DISC1: variants seen among roughly 807,000 people sequenced by gnomAD.
DISC1 encodes the protein disrupted in schizophrenia 1 protein.
A neutral mutation model predicts 84.5 loss-of-function variants in DISC1; 57 were observed. The observed-to-expected ratio is 0.67, with a 90% confidence interval of 0.55 to 0.84. The LOEUF is 0.84. DISC1 is among the 40% of genes least tolerant of loss of function. DISC1 has a pLI of 0.00. For synonymous variants in DISC1, 411 were observed against 415.2 expected, an observed-to-expected ratio of 0.99 and a Z score of 0.12; for missense variants, 1,000 against 1,057.8, an observed-to-expected ratio of 0.95 and a Z score of 0.76.
chr1:231,887,637 T>A (rs1177310066), intron 9 of DISC1, among the ~76,000 whole-genome samples: 1 of 152,278 alleles, frequency 6.6e-6, no homozygotes, highest in Admixed American at 6.5e-5. Context: ...AGTCCAGTTT[T>A]CTGTATTCTA....
chr1:231,947,990 A>G (rs923797053), intron 9 of DISC1, among the ~76,000 whole-genome samples: 2 of 152,206 alleles, frequency 1.3e-5, no homozygotes, highest in Admixed American at 1.3e-4. Flanking sequence ...GGAAATAGGG[A>G]TGCTTTTACA....
intron 4 of DISC1, among the ~76,000 whole-genome samples, chr1:231,756,933 C>A (rs2075201964): frequency 6.6e-6 from 1 of 152,188 alleles, no homozygotes; most frequent in African/African-American, 2.4e-5. Flanking sequence ...ACCTGCCTTT[C>A]AGTGTGCCAG....
rs1207363430 is a variant in DISC1, at chr1:231,765,227, T to C, written c.1269-1913T>C. ...AAAAAAAAAAAAAAAAAACTTTGGA[T>C]AATAATCATTTTCCTTAACACTTCA... On this transcript the variant is annotated intron_variant, in intron 4 of 12. Coordinates refer to ENST00000439617, the MANE Select transcript of DISC1 (RefSeq NM_018662.3). 2.1e-5 allele frequency among the ~76,000 whole-genome samples: 3 copies of C among 141,686 alleles called. No homozygotes were observed. In the Admixed American group the frequency reaches 2.1e-4, roughly 10 times the overall value. 93.0% of individuals were successfully genotyped at this position (141,686 alleles called of 152,430 possible).
At chr1:231,866,528 A>C (rs200540561) in intron 9 of DISC1, 7 of 824,194 alleles carry the variant, frequency 8.5e-6, no homozygotes, top group African/African-American at 1.7e-5. Flanking sequence ...CTTAGGATAT[A>C]AGTACTGTGA....
intron 6 of DISC1, among the ~76,000 whole-genome samples, chr1:231,775,778 C>T (rs1338926322): frequency 2.0e-5 from 3 of 152,128 alleles, no homozygotes; most frequent in South Asian, 2.1e-4. Context: ...CTTGTTTTCT[C>T]CTGCAAGTCT....
At chr1:231,636,260 C>T (rs2059192173) in intron 1 of DISC1, among the ~76,000 whole-genome samples, 1 of 152,200 alleles carries the variant, frequency 6.6e-6, no homozygotes, top group Admixed American at 6.5e-5. Context: ...CTTTCACCCA[C>T]ATTTTCTCCT....
chr1:231,763,339 G>A (rs550083840), intron 4 of DISC1, among the ~76,000 whole-genome samples: 29 of 152,252 alleles, frequency 1.9e-4, no homozygotes, highest in Non-Finnish European at 3.1e-4. Context: ...AAAAGATAAC[G>A]TCTGGTGAAC....
chr1:231,918,665 T>C (rs1392604608), intron 9 of DISC1, among the ~76,000 whole-genome samples: 1 of 152,218 alleles, frequency 6.6e-6, no homozygotes, highest in Non-Finnish European at 1.5e-5. Flanking sequence ...TACTCTCAGT[T>C]AGGAGAAAAA....
chr1:231,913,859 G>A (rs545461442), intron 9 of DISC1, among the ~76,000 whole-genome samples: 20 of 152,266 alleles, frequency 1.3e-4, no homozygotes, highest in African/African-American at 4.1e-4. Context: ...TCCACATGCC[G>A]AGTGTCCATC....
At chr1:231,916,801 G>T (rs927514443) in intron 9 of DISC1, among the ~76,000 whole-genome samples, 1 of 152,092 alleles carries the variant, frequency 6.6e-6, no homozygotes, top group African/African-American at 2.4e-5. Context: ...GCTAAACTTT[G>T]TTGGACAAGT....
chr1:232,033,966 C>T (rs1422071398), intron 12 of DISC1, among the ~76,000 whole-genome samples: 1 of 152,094 alleles, frequency 6.6e-6, no homozygotes, highest in Non-Finnish European at 1.5e-5. Context: ...AGGATCATTC[C>T]ATATAAATTA....
At chr1:231,984,930 T>C (rs1456390421) in intron 10 of DISC1, among the ~76,000 whole-genome samples, 2 of 152,150 alleles carry the variant, frequency 1.3e-5, no homozygotes, top group Non-Finnish European at 2.9e-5. Flanking sequence ...ATTTTGGGGT[T>C]AGAGTACCTA....
chr1:231,841,815 A>G (rs898199589), intron 9 of DISC1, among the ~76,000 whole-genome samples: 1 of 152,212 alleles, frequency 6.6e-6, no homozygotes, highest in African/African-American at 2.4e-5. Context: ...CTGTTAATCA[A>G]CTACATAGTC....
At chr1:231,687,644 G>C (rs10429976) in intron 1 of DISC1, among the ~76,000 whole-genome samples, 14,147 of 152,214 alleles carry the variant, frequency 0.093, 1,812 homozygotes, top group African/African-American at 0.29. Flanking sequence ...GTTCCTTCAT[G>C]CACATGGATG....
chr1:231,875,602 AT>A (rs1220511112), intron 9 of DISC1, among the ~76,000 whole-genome samples: 14 of 152,038 alleles, frequency 9.2e-5, no homozygotes, highest in African/African-American at 3.1e-4. Context: ...TGATCTATAA[AT>A]TTCCCTCTAA....
At chr1:232,014,689 T>C (rs1668321178) in intron 11 of DISC1, among the ~76,000 whole-genome samples, 1 of 152,240 alleles carries the variant, frequency 6.6e-6, no homozygotes. Flanking sequence ...AGCCTGCTGA[T>C]TGGCTTTTCA....
chr1:231,877,927 GGTAA>G (rs1348099237), intron 9 of DISC1, among the ~76,000 whole-genome samples: 3 of 152,124 alleles, frequency 2.0e-5, no homozygotes, highest in Non-Finnish European at 2.9e-5. Context: ...GAAATTGAGT[GGTAA>G]GTATCTCAAT....
At position 231,720,755 on chromosome 1, in the gene DISC1, G is replaced by A. The variant is rs542614534; in HGVS notation, c.1117+18731G>A. 7.1e-6 allele frequency: 7 copies of A among 988,164 alleles called. No individual in the cohort carries two copies. In the African/African-American group the frequency reaches 1.2e-4, roughly 17 times the overall value. The allele number at this position is 988,164 out of a possible 1,614,324, so 61.2% of individuals were successfully genotyped here. ...GCTTTCTGCATGAGGGCTAAAATGTGAAGTTCTTAAGTTTGTTCCTTCTCC... is the reference window on the plus strand; with the variant it reads ...GCTTTCTGCATGAGGGCTAAAATGTAAAGTTCTTAAGTTTGTTCCTTCTCC... On this transcript the variant is annotated intron_variant, in intron 3 of 12. Coordinates refer to ENST00000439617, the MANE Select transcript of DISC1 (RefSeq NM_018662.3).
In DISC1 at chr1:231,681,701, AT is replaced by A. The variant is rs915490019; in HGVS notation, c.68-12113del. Among the ~76,000 whole-genome samples the A allele has an allele frequency of 5.1e-3, 741 of 146,064 alleles. 3 individuals are homozygous for A. Among genetic ancestry groups the A allele is most frequent in the Admixed American group, 7.3e-3 (107 of 14,628 alleles). On this transcript the variant is annotated intron_variant, in intron 1 of 12. Coordinates refer to ENST00000439617, the MANE Select transcript of DISC1 (RefSeq NM_018662.3). ...AACAGGAGAATAGGCATAGACATTTATTTTTTTTTTTTAGAAGGAGTTTTAC... is the reference window on the plus strand; with the variant it reads ...AACAGGAGAATAGGCATAGACATTTATTTTTTTTTTTAGAAGGAGTTTTAC...
Sources: allele counts gnomAD v4.1 joint callset (sites outside exome capture counted in the v4.1 genomes callset), GRCh38; gene constraint gnomAD v4.1.1; transcripts MANE v1.5; gene names NCBI Gene and HGNC (gene_info 2026-07-23, HGNC 2026-07-21).